Variants in GALNT18 observed in about 807,000 individuals in gnomAD.
GALNT18 encodes polypeptide N-acetylgalactosaminyltransferase 18, also known as GalNAc-transferase 18.
In GALNT18, 44 loss-of-function variants were observed where a neutral mutation model predicts 69.5. The observed-to-expected ratio is 0.63, with a 90% confidence interval of 0.50 to 0.81. The LOEUF is 0.81. Among genes scored for constraint, GALNT18 ranks in the 40% least tolerant of loss-of-function variants. The probability of loss-of-function intolerance (pLI) is 0.00; values close to 1 mark genes in which losing one functional copy is unlikely to be tolerated. For missense variants in GALNT18, 715 were observed against 810.0 expected, an observed-to-expected ratio of 0.88 and a Z score of 1.42; for synonymous variants, 364 against 318.2, an observed-to-expected ratio of 1.14 and a Z score of -1.53.
intron 3 of GALNT18, among the ~76,000 whole-genome samples, chr11:11,398,523 A>C (rs1281173604): frequency 4.6e-5 from 7 of 152,346 alleles, no homozygotes; most frequent in Non-Finnish European, 1.0e-4. Flanking sequence ...ACCAGCTCAT[A>C]AGTGGCAGAA....
rs1359593590 is a variant in GALNT18 at position 11,562,807 on chromosome 11, C to T, written c.235+58552G>A. On this transcript the variant is annotated intron_variant, in intron 1 of 10. Coordinates refer to ENST00000227756, the MANE Select transcript of GALNT18 (RefSeq NM_198516.3). The surrounding 1 kb of genome is among the most constrained non-coding windows in gnomAD (Gnocchi z 4.1). ...GATGCTAACTCAAGGCTGAGAGAGGCTATTTAACCCAGGTCACGTGGAGGA... is the reference window on the plus strand; with the variant it reads ...GATGCTAACTCAAGGCTGAGAGAGGTTATTTAACCCAGGTCACGTGGAGGA... Among the ~76,000 whole-genome samples, 1 of 152,154 alleles carries T rather than the reference C, an allele frequency of 6.6e-6. No homozygotes were observed. Among genetic ancestry groups the T allele is most frequent in the Admixed American group, 6.5e-5 (1 of 15,284 alleles).
chr11:11,376,351 C>T (rs1005497520), intron 5 of GALNT18, among the ~76,000 whole-genome samples: 19 of 151,240 alleles, frequency 1.3e-4, no homozygotes, highest in African/African-American at 4.4e-4. Context: ...CATTGCCCTC[C>T]AGCCTGGGTG....
intron 3 of GALNT18, among the ~76,000 whole-genome samples, chr11:11,407,773 A>G (rs1432370285): frequency 6.6e-6 from 1 of 152,244 alleles, no homozygotes; most frequent in Non-Finnish European, 1.5e-5. Flanking sequence ...AGGTTTGGAA[A>G]GCTAAAGGAA....
At chr11:11,481,544 T>C (rs1486927177) in intron 1 of GALNT18, among the ~76,000 whole-genome samples, 1 of 152,190 alleles carries the variant, frequency 6.6e-6, no homozygotes, top group Non-Finnish European at 1.5e-5. Flanking sequence ...ACAAGGGAAC[T>C]AGGGTATTTA....
rs1366388432 is a variant in GALNT18 at position 11,463,847 on chromosome 11, C to T, written c.236-14911G>A. 2.0e-5 allele frequency among the ~76,000 whole-genome samples: 3 copies of T among 152,152 alleles called. No homozygotes were observed. The highest frequency in any genetic ancestry group is 4.4e-5 in the Non-Finnish European group (3 of 68,022). ...ATGTGAAACCTTTATGCTGTCTCGACGCTCTGTATTATGAATGCAGTATGT... is the reference window on the plus strand; with the variant it reads ...ATGTGAAACCTTTATGCTGTCTCGATGCTCTGTATTATGAATGCAGTATGT... On this transcript the variant is annotated intron_variant, in intron 1 of 10. Coordinates refer to ENST00000227756, the MANE Select transcript of GALNT18 (RefSeq NM_198516.3). This position sits in a 1 kb window ranked among gnomAD's most constrained non-coding sequence, Gnocchi z 4.2.
intron 7 of GALNT18, among the ~76,000 whole-genome samples, chr11:11,334,369 C>T (rs530824912): frequency 3.3e-5 from 5 of 152,052 alleles, no homozygotes; most frequent in South Asian, 2.1e-4. Flanking sequence ...GGTGAAACCC[C>T]GTCTCTACTA....
Position 11,318,350 on chromosome 11 carries a change from C to A in GALNT18, c.1512+8736G>T, listed in dbSNP as rs1477557223. ...GAGGTCACACAGAAGTAGAATGGAC[C>A]CTTAATCCAACATGAGTAGTGTCCT... On this transcript the variant is annotated intron_variant, in intron 9 of 10. Transcript: ENST00000227756. This position sits in a 1 kb window ranked among gnomAD's most constrained non-coding sequence, Gnocchi z 5.1. Among the ~76,000 whole-genome samples the A allele has an allele frequency of 1.3e-5, 2 of 152,024 alleles. No homozygotes were observed. Among genetic ancestry groups the A allele is most frequent in the Non-Finnish European group, 2.9e-5 (2 of 68,020 alleles).
intron 6 of GALNT18, among the ~76,000 whole-genome samples, chr11:11,359,199 G>A (rs1041296414): frequency 2.1e-5 from 3 of 140,140 alleles, no homozygotes; most frequent in African/African-American, 5.3e-5. Flanking sequence ...AGCTGAGAAC[G>A]GCCATGATAC....
chr11:11,570,860 T>C (rs1858778471), intron 1 of GALNT18, among the ~76,000 whole-genome samples: 1 of 152,226 alleles, frequency 6.6e-6, no homozygotes, highest in African/African-American at 2.4e-5. Context: ...TTTACTTGCC[T>C]GTAAAGAGTT....
At chr11:11,335,781 G>A (rs1184137945) in intron 7 of GALNT18, among the ~76,000 whole-genome samples, 4 of 152,146 alleles carry the variant, frequency 2.6e-5, no homozygotes, top group African/African-American at 9.7e-5. Flanking sequence ...TGAAGACAGA[G>A]GCTGAGACTA....
At chr11:11,362,973 G>A (rs766262251) in intron 6 of GALNT18, among the ~76,000 whole-genome samples, 1 of 152,158 alleles carries the variant, frequency 6.6e-6, no homozygotes, top group Non-Finnish European at 1.5e-5. Flanking sequence ...GTATGCAACC[G>A]TAAGAAAGGA....
rs139259304 is a variant in GALNT18 at position 11,604,826 on chromosome 11, A to C, written c.235+16533T>G. ...AATTAGTTTCCCGGCCCATAGCTTC[A>C]TTCCACTGGTCCCCCACACCCCAAA... On this transcript the variant is annotated intron_variant, in intron 1 of 10. Coordinates refer to ENST00000227756, the MANE Select transcript of GALNT18 (RefSeq NM_198516.3). The surrounding 1 kb of genome is among the most constrained non-coding windows in gnomAD (Gnocchi z 5.6). 5.8e-3 allele frequency among the ~76,000 whole-genome samples: 888 copies of C among 152,224 alleles called. 12 individuals carry two copies. Among genetic ancestry groups the C allele is most frequent in the African/African-American group, 0.02 (837 of 41,536 alleles).
rs766653681 is a variant in GALNT18 at position 11,590,845 on chromosome 11, G to A, written c.235+30514C>T. ...ATGTAAACAAACCTACCGCACTACC[G>A]GTCATATAAAAGTATAGAACATACA... On this transcript the variant is annotated intron_variant, in intron 1 of 10. Coordinates refer to ENST00000227756, the MANE Select transcript of GALNT18 (RefSeq NM_198516.3). This position sits in a 1 kb window ranked among gnomAD's most constrained non-coding sequence, Gnocchi z 4.4. Among the ~76,000 whole-genome samples the A allele has an allele frequency of 4.3e-4, 65 of 151,832 alleles. No homozygotes were observed. Among genetic ancestry groups the A allele is most frequent in the Non-Finnish European group, 7.8e-4 (53 of 67,978 alleles).
Position 11,613,513 on chromosome 11 carries a change from G to A in GALNT18, c.235+7846C>T, listed in dbSNP as rs1220662767. Among the ~76,000 whole-genome samples, 1 of 152,220 alleles carries A rather than the reference G, an allele frequency of 6.6e-6. No individual in the cohort carries two copies. The highest frequency in any genetic ancestry group is 1.5e-5 in the Non-Finnish European group (1 of 68,038). ...AGTAAGAATGAATGCAATGTGTTAGGAGGTGCATCCTCCTAGCCCTGCCCT... is the reference window on the plus strand; with the variant it reads ...AGTAAGAATGAATGCAATGTGTTAGAAGGTGCATCCTCCTAGCCCTGCCCT... On this transcript the variant is annotated intron_variant, in intron 1 of 10. Transcript: ENST00000227756. This position sits in a 1 kb window ranked among gnomAD's most constrained non-coding sequence, Gnocchi z 4.2.
chr11:11,369,952 A>G (rs190577952), intron 6 of GALNT18, among the ~76,000 whole-genome samples: 1 of 152,318 alleles, frequency 6.6e-6, no homozygotes, highest in East Asian at 1.9e-4. Context: ...TTATCCCTAG[A>G]TCACTGTGAT....
At chr11:11,351,629 A>G (rs1477478153) in intron 6 of GALNT18, among the ~76,000 whole-genome samples, 2 of 152,320 alleles carry the variant, frequency 1.3e-5, no homozygotes, top group East Asian at 3.9e-4. Flanking sequence ...TCAGGGTCCC[A>G]TTGACACCTG....
At chr11:11,572,792 G>A (rs370396653) in intron 1 of GALNT18, among the ~76,000 whole-genome samples, 38 of 152,254 alleles carry the variant, frequency 2.5e-4, no homozygotes, top group African/African-American at 6.3e-4. Context: ...CTGCTCACAG[G>A]AAAGAAGAAA....
Position 11,341,048 on chromosome 11 carries a change from G to A in GALNT18, c.1093-44C>T, listed in dbSNP as rs1312105933. ...CACTTGTCAGAGCCTGCCTGGCTCT[G>A]CCTTTCTACACCAGGCCTCAGGCAG... On this transcript the variant is annotated intron_variant, in intron 6 of 10. Coordinates refer to ENST00000227756, the MANE Select transcript of GALNT18 (RefSeq NM_198516.3). The surrounding 1 kb of genome is among the most constrained non-coding windows in gnomAD (Gnocchi z 6.3). 1.3e-6 allele frequency: 2 copies of A among 1,542,042 alleles called. No individual in the cohort carries two copies. Among genetic ancestry groups the A allele is most frequent in the Non-Finnish European group, 1.8e-6 (2 of 1,140,588 alleles).
In GALNT18 at chr11:11,562,168, G is replaced by A. The variant is rs1858527352; in HGVS notation, c.235+59191C>T. Among the ~76,000 whole-genome samples, 1 of 152,188 alleles carries A rather than the reference G, an allele frequency of 6.6e-6. No individual in the cohort carries two copies. Among genetic ancestry groups the A allele is most frequent in the African/African-American group, 2.4e-5 (1 of 41,428 alleles). The stretch of plus-strand genomic sequence containing the variant: ...AGATATTCATTCTCTCACAGTTCTG[G>A]GAGCTAGACGTCCGCAATCAAGGTG... On this transcript the variant is annotated intron_variant, in intron 1 of 10. Coordinates refer to ENST00000227756, the MANE Select transcript of GALNT18 (RefSeq NM_198516.3). The surrounding 1 kb of genome is among the most constrained non-coding windows in gnomAD (Gnocchi z 4.1).
Sources: gnomAD v4.1 joint callset for allele counts (sites outside exome capture counted in the v4.1 genomes callset) on GRCh38, gnomAD v4.1.1 for gene constraint, Gnocchi (gnomAD v3.1) non-coding constraint, MANE v1.5 for transcripts, NCBI Gene and HGNC (gene_info 2026-07-23, HGNC 2026-07-21) for gene names.